CCSER1: variants seen among roughly 807,000 people sequenced by gnomAD.
The protein encoded by CCSER1 is serine-rich coiled-coil domain-containing protein 1.
CCSER1 carries 41 observed loss-of-function variants against 82.0 expected under a neutral mutation model. The observed-to-expected ratio is 0.50, with a 90% CI of 0.39 to 0.65. The LOEUF is 0.65. CCSER1 is among the 30% of genes least tolerant of loss of function. The probability of loss-of-function intolerance (pLI) is 0.00; values close to 1 mark genes in which losing one functional copy is unlikely to be tolerated. For synonymous variants in CCSER1, 414 were observed against 383.9 expected (o/e 1.08, Z -0.92); for missense variants, 1,119 against 1,064.2 (o/e 1.05, Z -0.72).
intron 9 of CCSER1, among the ~76,000 whole-genome samples, chr4:90,948,225 TTA>T (rs1294258438): frequency 6.6e-6 from 1 of 151,960 alleles, no homozygotes; most frequent in Non-Finnish European, 1.5e-5. Context: ...TAAACATTCA[TTA>T]TATCAAGATG....
intron 8 of CCSER1, among the ~76,000 whole-genome samples, chr4:90,877,483 T>G (rs1046968792): frequency 6.6e-6 from 1 of 152,124 alleles, no homozygotes; most frequent in African/African-American, 2.4e-5. Context: ...TTGTCTTCCC[T>G]AACTTTACAT....
chr4:90,372,831 T>C (rs749485250), intron 3 of CCSER1, among the ~76,000 whole-genome samples: 20 of 151,972 alleles, frequency 1.3e-4, no homozygotes, highest in Non-Finnish European at 2.1e-4. Flanking sequence ...TGGGAATCAA[T>C]CTCTCATTTT....
At chr4:90,815,657 G>A (rs75005705) in intron 7 of CCSER1, 105 bp from the exon 8 acceptor site, 15 of 678,990 alleles carry the variant, frequency 2.2e-5, no homozygotes, top group Middle Eastern at 2.6e-4. Flanking sequence ...TTTGAGTTTC[G>A]TTAGTCAGAT....
intron 5 of CCSER1, among the ~76,000 whole-genome samples, chr4:90,575,828 C>A (rs1325987882): frequency 6.6e-6 from 1 of 152,084 alleles, no homozygotes; most frequent in African/African-American, 2.4e-5. Flanking sequence ...ATCTTTGTTA[C>A]TGTCAAGAAG....
intron 7 of CCSER1, among the ~76,000 whole-genome samples, chr4:90,744,372 T>G (rs1370741274): frequency 6.6e-6 from 1 of 152,234 alleles, no homozygotes; most frequent in Non-Finnish European, 1.5e-5. Context: ...AAGAATATTT[T>G]CTACTTCTTG....
chr4:91,340,246 A>G (rs1054465493), intron 10 of CCSER1, among the ~76,000 whole-genome samples: 7 of 152,230 alleles, frequency 4.6e-5, no homozygotes, highest in African/African-American at 1.7e-4. Context: ...AATTCTCTCA[A>G]AATTTCTTAT....
chr4:91,538,293 C>A (rs546250539), intron 10 of CCSER1, among the ~76,000 whole-genome samples: 1 of 151,982 alleles, frequency 6.6e-6, no homozygotes, highest in East Asian at 1.9e-4. Context: ...AGCAAATGTT[C>A]TTCTCAGCTT....
chr4:91,182,838 G>A lies in CCSER1; in HGVS notation c.2217+96844G>A, dbSNP rs1734168316. ...ACATGTGTGACATCCATTTGCCAAA[G>A]TGTGTTAGGTTCCAGTCCTCGAGGA... On this transcript the variant is annotated intron_variant, in intron 10 of 10. Coordinates refer to ENST00000509176, the MANE Select transcript of CCSER1 (RefSeq NM_001145065.2). Among the ~76,000 whole-genome samples the A allele has an allele frequency of 2.0e-5, 3 of 152,198 alleles. No individual in the cohort carries two copies. In the South Asian group the frequency reaches 6.2e-4, roughly 32 times the overall value.
In CCSER1 at chr4:91,095,068, C is replaced by T. The variant is rs779411418; in HGVS notation, c.2217+9074C>T. Among the ~76,000 whole-genome samples, 49 of 152,126 alleles carry T rather than the reference C, an allele frequency of 3.2e-4. 1 individual carries two copies. Among genetic ancestry groups the T allele is most frequent in the Non-Finnish European group, 4.1e-4 (28 of 68,032 alleles). ...AATGGTTTTTTTGATAAGAGGGCCA[C>T]TGGGGTGGTTACTACTGAGTGTCCG... On this transcript the variant is annotated intron_variant, in intron 10 of 10. Transcript: ENST00000509176.
At chr4:90,754,633 G>T (rs1749209740) in intron 7 of CCSER1, among the ~76,000 whole-genome samples, 1 of 152,126 alleles carries the variant, frequency 6.6e-6, no homozygotes, top group African/African-American at 2.4e-5. Flanking sequence ...TGAGGTTACA[G>T]TGTCACTCAC....
At chr4:91,043,583 C>CTTT (rs11364315) in intron 9 of CCSER1, among the ~76,000 whole-genome samples, 212 of 71,512 alleles carry the variant, frequency 3.0e-3, no homozygotes, top group African/African-American at 4.6e-3. Flanking sequence ...CATCAGCCTT[C>CTTT]TTTTTTTTTT....
At chr4:90,809,641 A>G (rs1418937781) in intron 7 of CCSER1, among the ~76,000 whole-genome samples, 1 of 152,124 alleles carries the variant, frequency 6.6e-6, no homozygotes, top group Admixed American at 6.5e-5. Context: ...TATACAATTC[A>G]TCCATGTAAC....
At chr4:90,776,166 T>A (rs1386510108) in intron 7 of CCSER1, among the ~76,000 whole-genome samples, 1 of 152,158 alleles carries the variant, frequency 6.6e-6, no homozygotes, top group African/African-American at 2.4e-5. Flanking sequence ...GGTAATGCAA[T>A]TCCTCTTTTA....
intron 6 of CCSER1, among the ~76,000 whole-genome samples, chr4:90,649,896 G>A (rs539283973): frequency 6.6e-6 from 1 of 152,122 alleles, no homozygotes; most frequent in Admixed American, 6.6e-5. Flanking sequence ...CACGAGGTCG[G>A]GAGTTTGAGA....
intron 4 of CCSER1, among the ~76,000 whole-genome samples, chr4:90,422,389 T>G (rs1560494555): frequency 6.6e-6 from 1 of 152,104 alleles, no homozygotes; most frequent in Non-Finnish European, 1.5e-5. Context: ...GCCTAGGAGT[T>G]CAAGACTAGC....
At chr4:90,795,287 CA>C (rs55780432) in intron 7 of CCSER1, among the ~76,000 whole-genome samples, 8,528 of 127,500 alleles carry the variant, frequency 0.067, 520 homozygotes, top group African/African-American at 0.18. Flanking sequence ...AACTCTGTCT[CA>C]AAAAAAAAAA....
intron 5 of CCSER1, among the ~76,000 whole-genome samples, chr4:90,577,113 A>G (rs1411624052): frequency 6.6e-6 from 1 of 152,114 alleles, no homozygotes; most frequent in Non-Finnish European, 1.5e-5. Flanking sequence ...GTAGTTTCTT[A>G]ATGACATATG....
intron 10 of CCSER1, among the ~76,000 whole-genome samples, chr4:91,381,173 G>C (rs201705635): frequency 0.021 from 3,173 of 152,068 alleles, 80 homozygotes; most frequent in African/African-American, 0.067. Context: ...TATGGCTGCC[G>C]TTAACATTTT....
At chr4:90,230,917 A>G (rs190354595) in intron 1 of CCSER1, among the ~76,000 whole-genome samples, 2 of 151,018 alleles carry the variant, frequency 1.3e-5, no homozygotes, top group Admixed American at 1.3e-4. Context: ...CCAAGACTAA[A>G]CCAGGAAGAA....
Sources: gnomAD v4.1 joint callset for allele counts (sites outside exome capture counted in the v4.1 genomes callset) on GRCh38, gnomAD v4.1.1 for gene constraint, MANE v1.5 for transcripts, NCBI Gene and HGNC (gene_info 2026-07-23, HGNC 2026-07-21) for gene names.